SNX24: variants seen among roughly 807,000 people sequenced by gnomAD.
SNX24 encodes the protein sorting nexin-24.
SNX24 carries 22 observed loss-of-function variants against 28.7 expected under a neutral mutation model. The ratio of observed to expected loss-of-function variants is 0.77; its 90% CI spans 0.55 to 1.10. The LOEUF is 1.10. SNX24 is among the 50% of genes least tolerant of loss of function. The pLI is 0.00. For synonymous variants in SNX24, 69 were observed against 71.5 expected, an observed-to-expected ratio of 0.96 and a Z score of 0.18; for missense variants, 221 against 201.1, an observed-to-expected ratio of 1.10 and a Z score of -0.60.
At chr5:122,924,712 A>G (rs1348351887) in intron 1 of SNX24, among the ~76,000 whole-genome samples, 1 of 152,032 alleles carries the variant, frequency 6.6e-6, no homozygotes, top group Non-Finnish European at 1.5e-5. Flanking sequence ...TGTCGTATTT[A>G]TTTACTCCAT....
chr5:122,934,673 A>C (rs995049323), intron 1 of SNX24, among the ~76,000 whole-genome samples: 1 of 152,118 alleles, frequency 6.6e-6, no homozygotes, highest in Non-Finnish European at 1.5e-5. Context: ...TATTAAATTG[A>C]CTCCATTTCT....
At chr5:122,875,960 G>C (rs1756203848) in intron 1 of SNX24, among the ~76,000 whole-genome samples, 1 of 152,230 alleles carries the variant, frequency 6.6e-6, no homozygotes, top group South Asian at 2.1e-4. Flanking sequence ...TATAATTCCA[G>C]CAACTGTAGC....
intron 1 of SNX24, among the ~76,000 whole-genome samples, chr5:122,933,724 T>G (rs749147990): frequency 1.3e-5 from 2 of 152,212 alleles, no homozygotes; most frequent in Middle Eastern, 3.4e-3. Flanking sequence ...GTGTGTGGGG[T>G]TTTTTTGTTG....
At position 123,024,758 on chromosome 5, in the gene SNX24, G is replaced by A. The variant is rs45607734; in HGVS notation, n.384-4480G>A. Among the ~76,000 whole-genome samples, 512 of 152,320 alleles carry A rather than the reference G, an allele frequency of 3.4e-3. 4 individuals are homozygous for A. The highest frequency in any genetic ancestry group is 0.012 in the African/African-American group (488 of 41,570). On this transcript the variant is annotated intron_variant and non_coding_transcript_variant, in intron 5 of 5. Coordinates refer to the SNX24 transcript ENST00000502387. ...GAAGGAACTGCAGCGAGCAAGACTG[G>A]TTTATTTACATTTGGATGAGGGAGG...
chr5:122,925,283 T>G (rs1246107452), intron 1 of SNX24, among the ~76,000 whole-genome samples: 1 of 140,818 alleles, frequency 7.1e-6, no homozygotes, highest in African/African-American at 2.6e-5. Flanking sequence ...TCTCCTTTCC[T>G]TCTGAGTGAA....
At chr5:122,869,490 A>C (rs1008556094) in intron 1 of SNX24, among the ~76,000 whole-genome samples, 12 of 152,246 alleles carry the variant, frequency 7.9e-5, no homozygotes, top group Non-Finnish European at 1.5e-4. Flanking sequence ...GGTGACATGC[A>C]TTTAAATGTG....
intron 5 of SNX24, among the ~76,000 whole-genome samples, chr5:123,027,241 T>C (rs1293725459): frequency 1.3e-5 from 2 of 152,146 alleles, no homozygotes; most frequent in African/African-American, 4.8e-5. Context: ...AAGCAATTTA[T>C]AACTGGTTGG....
At chr5:122,892,553 C>T (rs1561556492) in intron 1 of SNX24, among the ~76,000 whole-genome samples, 1 of 151,632 alleles carries the variant, frequency 6.6e-6, no homozygotes, top group Non-Finnish European at 1.5e-5. Flanking sequence ...AATTCTTGTT[C>T]CTTAGCCTCC....
chr5:123,008,198 G>T lies in SNX24; in HGVS notation c.*449G>T, dbSNP rs536824411. 7.4e-5 allele frequency: 73 copies of T among 986,734 alleles called. 1 individual carries two copies. The Admixed American group carries it at 4.4e-3, about 59-fold the overall frequency. The allele number at this position is 986,734 out of a possible 1,614,324, so 61.1% of individuals were successfully genotyped here. A position where few individuals can be genotyped will look rare whatever the true frequency, so the allele number is the denominator to read the frequency against. The stretch of plus-strand genomic sequence containing the variant: ...TCACCGTGAGATTTTCTCAGCCAGT[G>T]ATAGTACATTCTGAAATGCTGGCAC... On this transcript the variant is annotated 3_prime_UTR_variant, in exon 7 of 7. Coordinates refer to ENST00000261369, the MANE Select transcript of SNX24 (RefSeq NM_014035.4).
intron 3 of SNX24, among the ~76,000 whole-genome samples, chr5:122,974,489 GT>G (rs1761089699): frequency 6.6e-6 from 1 of 152,360 alleles, no homozygotes; most frequent in African/African-American, 2.4e-5. Context: ...ATTACTTCTG[GT>G]GGGCCTTATG....
At chr5:122,883,151 G>A (rs913391586) in intron 1 of SNX24, among the ~76,000 whole-genome samples, 2 of 152,100 alleles carry the variant, frequency 1.3e-5, no homozygotes, top group East Asian at 1.9e-4. Flanking sequence ...TCTTTAACAC[G>A]GGTTTCTAAT....
intron 1 of SNX24, among the ~76,000 whole-genome samples, chr5:122,896,388 C>A (rs531881186): frequency 3.1e-4 from 47 of 152,268 alleles, no homozygotes; most frequent in African/African-American, 1.1e-3. Flanking sequence ...ATTTTGCCAA[C>A]AGACAGGATT....
At chr5:122,855,014 T>A (rs1755118529) in intron 1 of SNX24, among the ~76,000 whole-genome samples, 1 of 152,196 alleles carries the variant, frequency 6.6e-6, no homozygotes, top group Non-Finnish European at 1.5e-5. Flanking sequence ...TGTTGATGGC[T>A]GCTGACTGAT....
At chr5:122,993,936 C>G (rs1441054719) in intron 3 of SNX24, among the ~76,000 whole-genome samples, 1 of 152,140 alleles carries the variant, frequency 6.6e-6, no homozygotes, top group East Asian at 1.9e-4. Context: ...GGAGAAAGAG[C>G]TTAAAGTGCT....
intron 1 of SNX24, among the ~76,000 whole-genome samples, chr5:122,928,826 A>G (rs1758823133): frequency 1.4e-5 from 2 of 145,740 alleles, no homozygotes; most frequent in African/African-American, 5.0e-5. Context: ...TGAGGTCTTG[A>G]TGGTAAAATA....
At chr5:122,999,876 C>T (rs1238846652) in intron 3 of SNX24, 36 bp from the exon 4 acceptor site, 3 of 1,272,032 alleles carry the variant, frequency 2.4e-6, no homozygotes, top group Non-Finnish European at 3.5e-6. Flanking sequence ...TAGCAAACTT[C>T]ACTTCAGTTT....
intron 1 of SNX24, chr5:122,853,617 C>CT: frequency 1.6e-4 from 52 of 330,716 alleles, no homozygotes; most frequent in Middle Eastern, 1.9e-3. Context: ...TATGTTTTAA[C>CT]TTTTTTTTAG....
chr5:122,946,026 C>CTTT, intron 2 of SNX24, 29 bp from the exon 3 acceptor site: 2 of 701,230 alleles, frequency 2.9e-6, no homozygotes, highest in Non-Finnish European at 4.1e-6. Context: ...TTTTTTTTTT[C>CTTT]TTTTTCTTTT....
chr5:123,021,373 A>G (rs1036805104), intron 5 of SNX24, among the ~76,000 whole-genome samples: 2 of 152,176 alleles, frequency 1.3e-5, no homozygotes, highest in Non-Finnish European at 2.9e-5. Context: ...ACCCATCTGT[A>G]GGGTCAGCCC....
Sources: allele counts gnomAD v4.1 joint callset (sites outside exome capture counted in the v4.1 genomes callset), GRCh38; gene constraint gnomAD v4.1.1; transcripts MANE v1.5; gene names NCBI Gene and HGNC (gene_info 2026-07-23, HGNC 2026-07-21).